TPO: variants seen among roughly 807,000 people sequenced by gnomAD.
TPO encodes the protein thyroid microsomal antigen.
In TPO, 78 loss-of-function variants were observed where a neutral mutation model predicts 96.9. The ratio of observed to expected loss-of-function variants is 0.81; its 90% CI spans 0.67 to 0.97. The LOEUF (loss-of-function observed/expected upper bound fraction) is 0.97, where lower values mean the gene tolerates loss of function less well. Among genes scored for constraint, TPO ranks in the 50% least tolerant of loss-of-function variants. TPO has a pLI of 0.00. For missense variants in TPO, 1,252 were observed against 1,274.8 expected (o/e 0.98, Z 0.27); for synonymous variants, 547 against 538.0 (o/e 1.02, Z -0.23).
At chr2:1,408,654 G>A (rs991605797), upstream of TPO, among the ~76,000 whole-genome samples, 6 of 152,310 alleles carry the variant, frequency 3.9e-5, no homozygotes, top group South Asian at 2.1e-4. Flanking sequence ...CGGAAGAGCC[G>A]CAGAGACCCG....
At chr2:1,448,557 G>C (rs764054539) in intron 5 of TPO, among the ~76,000 whole-genome samples, 2 of 152,178 alleles carry the variant, frequency 1.3e-5, no homozygotes, top group East Asian at 1.9e-4. Context: ...GCCGGCCATC[G>C]TAAGAGTTAC....
At chr2:1,530,068 C>T (rs1323516523) in intron 15 of TPO, among the ~76,000 whole-genome samples, 1 of 144,882 alleles carries the variant, frequency 6.9e-6, no homozygotes, top group Non-Finnish European at 1.5e-5. Context: ...GTCTCCCACA[C>T]TCTGTGCAAC....
intron 11 of TPO, among the ~76,000 whole-genome samples, chr2:1,494,351 G>C (rs1221065791): frequency 6.6e-6 from 1 of 152,248 alleles, no homozygotes; most frequent in Non-Finnish European, 1.5e-5. Flanking sequence ...CCCGGAGACT[G>C]CATCCCATCC....
chr2:1,405,178 C>A (rs1454141572), intron 1 of TPO, among the ~76,000 whole-genome samples: 1 of 149,448 alleles, frequency 6.7e-6, no homozygotes, highest in African/African-American at 2.4e-5. Context: ...CCCACCCATC[C>A]ACCCATTCAT....
In TPO at chr2:1,387,622, T is replaced by C. The variant is rs370464983; in HGVS notation, n.180+13220T>C. On this transcript the variant is annotated intron_variant and non_coding_transcript_variant, in intron 1 of 5. Transcript: ENST00000497517. ...TAGTTAGCCATTCGTCTAATCTTTT[T>C]TCAAGGTTTTTAACTTCTTTGCGAT... 1.2e-4 allele frequency among the ~76,000 whole-genome samples: 19 copies of C among 152,322 alleles called. No individual in the cohort carries two copies. The East Asian group carries it at 2.7e-3, about 22-fold the overall frequency.
intron 2 of TPO, among the ~76,000 whole-genome samples, chr2:1,418,297 AAAAG>A (rs1021158592): frequency 2.7e-5 from 4 of 147,862 alleles, no homozygotes; most frequent in South Asian, 2.1e-4. Context: ...AAAAAAAAAA[AAAAG>A]AGAGAGAGAG....
chr2:1,471,435 C>T (rs1429229290), intron 7 of TPO, among the ~76,000 whole-genome samples: 2 of 149,772 alleles, frequency 1.3e-5, no homozygotes, highest in Admixed American at 1.3e-4. Flanking sequence ...ATGTATTTTC[C>T]TGTGACCCCC....
chr2:1,524,985 C>T (rs1209522351), intron 15 of TPO, among the ~76,000 whole-genome samples: 22 of 122,318 alleles, frequency 1.8e-4, no homozygotes, highest in Admixed American at 1.0e-3. Flanking sequence ...GTGTGTGCAA[C>T]CTCCCCAAAT....
chr2:1,500,773 T>C (rs2124977508), intron 13 of TPO, among the ~76,000 whole-genome samples: 1 of 152,190 alleles, frequency 6.6e-6, no homozygotes, highest in Middle Eastern at 3.4e-3. Context: ...AACACCAGCC[T>C]GGCCAAGATG....
rs1380607702 is a variant in TPO at position 1,543,023 on chromosome 2, C to CAGAGATTCACCAACACAT, written c.*550_*567dup. The CAGAGATTCACCAACACAT allele has an allele frequency of 5.1e-6, 1 of 196,146 alleles. No homozygotes were observed. The highest frequency in any genetic ancestry group is 1.0e-5 in the Non-Finnish European group (1 of 97,694). The allele number at this position is 196,146 out of a possible 1,614,324, so 12.2% of individuals were successfully genotyped here. ...AGGCAAAGTGACTTGTCTCATCCTC[C>CAGAGATTCACCAACACAT]AGAGATTCACCAACACATGAGCCTC... is the stretch of plus-strand genomic sequence containing the variant. On this transcript the variant is annotated 3_prime_UTR_variant, in exon 17 of 17. Transcript: ENST00000329066.
At chr2:1,494,192 T>A (rs1553321897) in intron 11 of TPO, among the ~76,000 whole-genome samples, 153 bp downstream of exon 11, 1 of 152,206 alleles carries the variant, frequency 6.6e-6, no homozygotes, top group Non-Finnish European at 1.5e-5. Flanking sequence ...CACCCACAGC[T>A]TCTTTAACCT....
chr2:1,376,619 C>A (rs1661726487), intron 1 of TPO, among the ~76,000 whole-genome samples: 1 of 152,116 alleles, frequency 6.6e-6, no homozygotes, highest in Non-Finnish European at 1.5e-5. Context: ...GTCTGAACAG[C>A]ACCCCCAGTC....
rs1035607222 is a variant in TPO, at chr2:1,496,343, G to T, written c.2215+146G>T. ...CTTACACCCTCAGGGCAGCTCCTGG[G>T]GCGGGGCGGGGCGGGGCGGGGCCCT... is the stretch of plus-strand genomic sequence containing the variant. On this transcript the variant is annotated intron_variant, in intron 12 of 16. Coordinates refer to ENST00000329066, the MANE Select transcript of TPO (RefSeq NM_001206744.2). 8.4e-6 allele frequency: 8 copies of T among 950,506 alleles called. No homozygotes were observed. In the African/African-American group the frequency reaches 1.3e-4, roughly 15 times the overall value. 58.9% of individuals were successfully genotyped at this position (950,506 alleles called of 1,614,324 possible).
At chr2:1,521,493 C>T (rs936284640) in intron 15 of TPO, among the ~76,000 whole-genome samples, 1 of 152,128 alleles carries the variant, frequency 6.6e-6, no homozygotes, top group South Asian at 2.1e-4. Flanking sequence ...CCCCAGGGAC[C>T]CTCCTCCCCC....
rs1048467991 is a variant in TPO at position 1,493,701 on chromosome 2, C to A, written c.1769-101C>A. On this transcript the variant is annotated intron_variant, in intron 10 of 16. Coordinates refer to ENST00000329066, the MANE Select transcript of TPO (RefSeq NM_001206744.2). Reference sequence around the variant, plus strand: ...TGTCACAGGGTGGGACAGGACTCTGCCCTGCTGCGCTTCCAGTCTCGGGGA... The same window carrying A: ...TGTCACAGGGTGGGACAGGACTCTGACCTGCTGCGCTTCCAGTCTCGGGGA... 57 of 1,396,424 alleles carry A rather than the reference C, an allele frequency of 4.1e-5. No homozygotes were observed. The African/African-American group carries it at 5.7e-4, about 14-fold the overall frequency. The allele number at this position is 1,396,424 out of a possible 1,614,324, so 86.5% of individuals were successfully genotyped here.
rs866128359 is a variant in TPO, at chr2:1,423,055, G to T, written c.105G>T (p.Glu35Asp). 2.5e-6 allele frequency: 4 copies of T among 1,614,182 alleles called. No individual in the cohort carries two copies. In the Admixed American group the frequency reaches 6.7e-5, roughly 27 times the overall value. The part of the protein sequence containing the change: ...RGKELLWGKP[E>D]ESRVSSVLEE... ...CATTCTGTTCCGTAGGAAAGCCTGAGGAGTCTCGTGTCTCTAGCGTCTTGG... is the reference window on the plus strand; with the variant it reads ...CATTCTGTTCCGTAGGAAAGCCTGATGAGTCTCGTGTCTCTAGCGTCTTGG... The change falls in exon 3 of 17, where the codon GAG becomes GAT. Residue 35 changes from glutamate (E) to aspartate (D), a missense_variant. By Grantham distance (45) the Glu-to-Asp change is conservative (BLOSUM62 2). Coordinates refer to ENST00000329066, the MANE Select transcript of TPO (RefSeq NM_001206744.2).
intron 5 of TPO, among the ~76,000 whole-genome samples, chr2:1,447,161 C>A (rs984005227): frequency 3.9e-5 from 6 of 152,148 alleles, no homozygotes; most frequent in African/African-American, 1.2e-4. Flanking sequence ...ACCCTCCTCC[C>A]TTTTGGAATT....
At chr2:1,465,866 C>T (rs1158675951) in intron 7 of TPO, among the ~76,000 whole-genome samples, 1 of 152,128 alleles carries the variant, frequency 6.6e-6, no homozygotes, top group Non-Finnish European at 1.5e-5. Flanking sequence ...ACTTCCTCTT[C>T]GCCGATTTGG....
intron 7 of TPO, among the ~76,000 whole-genome samples, chr2:1,476,199 A>G (rs1669920363): frequency 1.3e-5 from 2 of 152,192 alleles, no homozygotes; most frequent in African/African-American, 4.8e-5. Flanking sequence ...ATCTTCAGGA[A>G]GAGTCTCTTT....
Sources: gnomAD v4.1 joint callset for allele counts (sites outside exome capture counted in the v4.1 genomes callset) on GRCh38, gnomAD v4.1.1 for gene constraint, MANE v1.5 for transcripts, NCBI Gene and HGNC (gene_info 2026-07-23, HGNC 2026-07-21) for gene names.